INPP4B: variants seen among roughly 807,000 people sequenced by gnomAD.
The protein encoded by INPP4B is inositol polyphosphate-4-phosphatase type II B, also known as inositol polyphosphate 4-phosphatase type II.
A neutral mutation model predicts 122.5 loss-of-function variants in INPP4B; 55 were observed. The ratio of observed to expected loss-of-function variants is 0.45; its 90% CI spans 0.36 to 0.56. INPP4B has a LOEUF of 0.56. Ranked by LOEUF, INPP4B falls within the 20% of genes least tolerant of loss-of-function variation. INPP4B has a pLI of 0.00. For synonymous variants in INPP4B, 403 were observed against 388.7 expected (o/e 1.04, Z -0.43); for missense variants, 1,000 against 1,097.7 (o/e 0.91, Z 1.26).
At chr4:142,587,239 C>T (rs558594968) in intron 2 of INPP4B, among the ~76,000 whole-genome samples, 1 of 152,220 alleles carries the variant, frequency 6.6e-6, no homozygotes, top group Non-Finnish European at 1.5e-5. Context: ...GATAACACCC[C>T]ATCCATTTTT....
Position 142,024,985 on chromosome 4 carries a change from C to T in INPP4B, c.*3797G>A, listed in dbSNP as rs181713065. The T allele has an allele frequency of 1.4e-4, 22 of 152,060 alleles. No homozygotes were observed. In the East Asian group the frequency reaches 4.1e-3, roughly 28 times the overall value. 9.4% of individuals were successfully genotyped at this position (152,060 alleles called of 1,614,324 possible). On this transcript the variant is annotated 3_prime_UTR_variant, in exon 26 of 26. Transcript: ENST00000262992. The stretch of plus-strand genomic sequence containing the variant: ...TCTTTAAAGAAGGTAAAAACCAAAA[C>T]ATTTATATAACCAAAATTATAGCCA...
intron 2 of INPP4B, among the ~76,000 whole-genome samples, chr4:142,593,413 C>T (rs1057065030): frequency 1.3e-5 from 2 of 152,098 alleles, no homozygotes; most frequent in African/African-American, 4.8e-5. Flanking sequence ...TTTCTTTCTC[C>T]TTATCAGCCC....
intron 2 of INPP4B, among the ~76,000 whole-genome samples, chr4:142,700,161 T>C (rs1041362724): frequency 6.6e-6 from 1 of 152,050 alleles, no homozygotes; most frequent in African/African-American, 2.4e-5. Context: ...GACTCATCAC[T>C]TTATCAAAAG....
In INPP4B at chr4:142,352,766, C is replaced by T. The variant is rs115818935; in HGVS notation, c.373-38004G>A. Among the ~76,000 whole-genome samples the T allele has an allele frequency of 1.8e-3, 278 of 151,990 alleles. 1 individual carries two copies. The highest frequency in any genetic ancestry group is 6.3e-3 in the African/African-American group (261 of 41,486). On this transcript the variant is annotated intron_variant, in intron 7 of 25. Transcript: ENST00000262992. ...TAAACTGAATATTATCAGGATTTGCCTTGAGAAATTCATGGTAAATATTAT... is the reference window on the plus strand; with the variant it reads ...TAAACTGAATATTATCAGGATTTGCTTTGAGAAATTCATGGTAAATATTAT...
In INPP4B at chr4:142,589,131, G is replaced by A. The variant is rs141484141; in HGVS notation, c.-190-126405C>T. ...TTTTCAACAATGTGTCAGAACAACC[G>A]GACATCCATATACATAAAAATAACC... On this transcript the variant is annotated intron_variant, in intron 2 of 25. Transcript: ENST00000262992. Among the ~76,000 whole-genome samples, 1,076 of 151,880 alleles carry A rather than the reference G, an allele frequency of 7.1e-3. 18 individuals are homozygous for A. Among genetic ancestry groups the A allele is most frequent in the African/African-American group, 0.024 (1,012 of 41,480 alleles).
chr4:142,060,537 G>C (rs1023936781), intron 25 of INPP4B, among the ~76,000 whole-genome samples: 2 of 152,150 alleles, frequency 1.3e-5, no homozygotes, highest in Non-Finnish European at 2.9e-5. Flanking sequence ...ATCAGCCTAG[G>C]CTCTTGGAAA....
chr4:142,081,536 A>G (rs1177454463), intron 25 of INPP4B, among the ~76,000 whole-genome samples: 1 of 152,154 alleles, frequency 6.6e-6, no homozygotes, highest in African/African-American at 2.4e-5. Flanking sequence ...AACTTTAGAA[A>G]GGAGGTTACT....
chr4:142,307,647 A>G (rs1442943326), intron 8 of INPP4B, among the ~76,000 whole-genome samples: 1 of 152,224 alleles, frequency 6.6e-6, no homozygotes, highest in Non-Finnish European at 1.5e-5. Context: ...TGCAGATCGT[A>G]TACTGCTGTA....
chr4:142,808,037 A>T (rs560255319), intron 1 of INPP4B, among the ~76,000 whole-genome samples: 1 of 152,080 alleles, frequency 6.6e-6, no homozygotes, highest in Non-Finnish European at 1.5e-5. Flanking sequence ...CTAAAATAAA[A>T]GACTTTACTG....
chr4:142,086,029 G>A lies in INPP4B; in HGVS notation c.2487+115C>T, dbSNP rs1776560968. The A allele has an allele frequency of 4.3e-6, 3 of 702,388 alleles. No individual in the cohort carries two copies. In the Admixed American group the frequency reaches 7.8e-5, roughly 18 times the overall value. The allele number at this position is 702,388 out of a possible 1,614,324, so 43.5% of individuals were successfully genotyped here. ...AAAATGCCTAATCCATGGACTAATA[G>A]AAGATGACACCTGGCAACCCAAAGT... On this transcript the variant is annotated intron_variant, in intron 24 of 25. Coordinates refer to ENST00000262992, the MANE Select transcript of INPP4B (RefSeq NM_001101669.3).
At chr4:142,377,043 T>G (rs993592345) in intron 7 of INPP4B, among the ~76,000 whole-genome samples, 5 of 152,030 alleles carry the variant, frequency 3.3e-5, no homozygotes, top group African/African-American at 4.8e-5. Flanking sequence ...TTAACACCAC[T>G]TATACTCCTA....
intron 21 of INPP4B, among the ~76,000 whole-genome samples, chr4:142,118,728 G>A (rs1160426529): frequency 3.9e-5 from 6 of 152,106 alleles, no homozygotes; most frequent in Admixed American, 1.3e-4. Flanking sequence ...CAGGACATAG[G>A]CATGGGCAAG....
intron 2 of INPP4B, among the ~76,000 whole-genome samples, chr4:142,662,738 T>C (rs910814976): frequency 1.3e-5 from 2 of 152,202 alleles, no homozygotes; most frequent in Non-Finnish European, 2.9e-5. Flanking sequence ...AATATTCATG[T>C]TGGACTCAAA....
intron 23 of INPP4B, among the ~76,000 whole-genome samples, chr4:142,107,128 A>G (rs1422846966): frequency 6.6e-6 from 1 of 152,172 alleles, no homozygotes; most frequent in Non-Finnish European, 1.5e-5. Flanking sequence ...ATAAAATAAT[A>G]TAAATCATAA....
intron 2 of INPP4B, among the ~76,000 whole-genome samples, chr4:142,528,970 C>G (rs1827264718): frequency 6.6e-6 from 1 of 152,008 alleles, no homozygotes; most frequent in South Asian, 2.1e-4. Flanking sequence ...TTTGGAAAAC[C>G]TGTAACTGGC....
chr4:142,835,719 T>C (rs1487608681), intron 1 of INPP4B, among the ~76,000 whole-genome samples: 1 of 152,270 alleles, frequency 6.6e-6, no homozygotes, highest in South Asian at 2.1e-4. Flanking sequence ...GATAATGTTA[T>C]GACACCTGAG....
intron 2 of INPP4B, among the ~76,000 whole-genome samples, chr4:142,694,524 A>T (rs1015907046): frequency 2.0e-5 from 3 of 152,232 alleles, no homozygotes; most frequent in Middle Eastern, 3.2e-3. Flanking sequence ...CATTTGGTCA[A>T]AACTGGTCAG....
chr4:142,545,759 GTA>G (rs1560782260), intron 2 of INPP4B, among the ~76,000 whole-genome samples: 1 of 70,844 alleles, frequency 1.4e-5, no homozygotes, highest in African/African-American at 4.6e-5. Context: ...ATATACACAT[GTA>G]TATGTGTGTA....
chr4:142,643,429 A>T (rs1204483405), intron 2 of INPP4B, among the ~76,000 whole-genome samples: 1 of 152,204 alleles, frequency 6.6e-6, no homozygotes, highest in Non-Finnish European at 1.5e-5. Context: ...AAAACAAAGT[A>T]ATGGTAATGA....
Sources: gnomAD v4.1 joint callset for allele counts (sites outside exome capture counted in the v4.1 genomes callset) on GRCh38, gnomAD v4.1.1 for gene constraint, MANE v1.5 for transcripts, NCBI Gene and HGNC (gene_info 2026-07-23, HGNC 2026-07-21) for gene names.